CSTPP1: variants seen among roughly 807,000 people sequenced by gnomAD.
CSTPP1 encodes UPF0705 protein C11orf49.
chr11:46,984,549 A>T, the CSTPP1 span, among the ~76,000 whole-genome samples: 1 of 151,686 alleles, frequency 6.6e-6, no homozygotes, highest in Non-Finnish European at 1.5e-5. Context: ...CCTTTTTTAT[A>T]TTTTTGGTAT....
the CSTPP1 span, chr11:47,156,994 C>T: frequency 6.2e-7 from 1 of 1,612,542 alleles, no homozygotes. Flanking sequence ...GAGCCGTCCA[C>T]ACCCACACCC....
At chr11:47,097,512 T>G in the CSTPP1 span, among the ~76,000 whole-genome samples, 2 of 39,370 alleles carry the variant, frequency 5.1e-5, no homozygotes, top group African/African-American at 1.0e-4. Flanking sequence ...GGGGCGCCTC[T>G]GCCCGGCCGC....
chr11:47,050,348 G>T, the CSTPP1 span, among the ~76,000 whole-genome samples: 3 of 152,160 alleles, frequency 2.0e-5, no homozygotes, highest in African/African-American at 7.2e-5. Context: ...TAATGAGTCA[G>T]GTAATATAGT....
the CSTPP1 span, among the ~76,000 whole-genome samples, chr11:46,956,532 G>A: frequency 6.6e-6 from 1 of 152,114 alleles, no homozygotes; most frequent in Non-Finnish European, 1.5e-5. Context: ...CAAGAACCCA[G>A]GATCAGACAC....
the CSTPP1 span, among the ~76,000 whole-genome samples, chr11:47,099,555 G>C: frequency 2.0e-5 from 3 of 152,220 alleles, no homozygotes; most frequent in Admixed American, 2.0e-4. Context: ...CCAATATGCA[G>C]AGGAGACGTC....
the CSTPP1 span, among the ~76,000 whole-genome samples, chr11:47,140,828 C>T: frequency 2.6e-5 from 4 of 151,228 alleles, no homozygotes; most frequent in African/African-American, 9.7e-5. Flanking sequence ...AGGCCGGGCA[C>T]GGTGGCTCAC....
the CSTPP1 span, among the ~76,000 whole-genome samples, chr11:47,047,376 C>G: frequency 2.0e-5 from 3 of 151,996 alleles, no homozygotes; most frequent in Non-Finnish European, 4.4e-5. Flanking sequence ...TATTATGGTC[C>G]TGGCATAAGG....
chr11:47,144,611 A>G, the CSTPP1 span, among the ~76,000 whole-genome samples: 1 of 152,340 alleles, frequency 6.6e-6, no homozygotes, highest in Admixed American at 6.5e-5. Flanking sequence ...ACTTCACAGC[A>G]ATCAGAAAAT....
the CSTPP1 span, among the ~76,000 whole-genome samples, chr11:46,999,248 TTATAA>T: frequency 2.7e-5 from 4 of 150,936 alleles, no homozygotes; most frequent in African/African-American, 7.3e-5. Flanking sequence ...TAATTATATA[TTATAA>T]TATGCAGTTT....
the CSTPP1 span, among the ~76,000 whole-genome samples, chr11:47,062,660 T>C: frequency 1.3e-5 from 2 of 152,232 alleles, no homozygotes; most frequent in Non-Finnish European, 2.9e-5. Context: ...CACTGGTGAA[T>C]AGTACATCCG....
At chr11:46,980,307 T>C in the CSTPP1 span, among the ~76,000 whole-genome samples, 1 of 152,252 alleles carries the variant, frequency 6.6e-6, no homozygotes, top group African/African-American at 2.4e-5. Flanking sequence ...TGTTAGCATA[T>C]GTGTAATGCT....
chr11:47,129,577 C>T, the CSTPP1 span, among the ~76,000 whole-genome samples: 2 of 152,154 alleles, frequency 1.3e-5, no homozygotes, highest in Admixed American at 1.3e-4. Context: ...TCCTCCAATC[C>T]CTAATGGCCC....
At chr11:46,939,820 C>T in the CSTPP1 span, among the ~76,000 whole-genome samples, 2 of 151,998 alleles carry the variant, frequency 1.3e-5, no homozygotes, top group African/African-American at 2.4e-5. Flanking sequence ...GTATACAGTG[C>T]ATACTTTTTC....
chr11:47,024,596 G>A, the CSTPP1 span, among the ~76,000 whole-genome samples: 1 of 152,160 alleles, frequency 6.6e-6, no homozygotes, highest in Non-Finnish European at 1.5e-5. Flanking sequence ...GAGTGCTCAT[G>A]TTCTGAAATA....
chr11:47,067,068 G>A, the CSTPP1 span, among the ~76,000 whole-genome samples: 1 of 152,076 alleles, frequency 6.6e-6, no homozygotes, highest in African/African-American at 2.4e-5. Flanking sequence ...ACTTTTATTT[G>A]GTTTTAAGGT....
the CSTPP1 span, among the ~76,000 whole-genome samples, chr11:47,063,953 G>A: frequency 6.6e-6 from 1 of 152,264 alleles, no homozygotes; most frequent in African/African-American, 2.4e-5. Flanking sequence ...CAATGCATAA[G>A]GGTTCCAGTT....
the CSTPP1 span, among the ~76,000 whole-genome samples, chr11:47,152,686 G>A: frequency 6.6e-6 from 1 of 152,150 alleles, no homozygotes; most frequent in African/African-American, 2.4e-5. Context: ...AAACTGAATT[G>A]TACGCTTTTA....
the CSTPP1 span, among the ~76,000 whole-genome samples, chr11:46,979,080 A>C: frequency 6.6e-6 from 1 of 152,208 alleles, no homozygotes; most frequent in Non-Finnish European, 1.5e-5. Context: ...CTGTAAATTT[A>C]ATGATAATTG....
At chr11:47,146,568 T>G in the CSTPP1 span, among the ~76,000 whole-genome samples, 1 of 152,106 alleles carries the variant, frequency 6.6e-6, no homozygotes, top group East Asian at 1.9e-4. Context: ...ACCTATCAAA[T>G]TGGCAAAAAT....
Sources: allele counts gnomAD v4.1 joint callset (sites outside exome capture counted in the v4.1 genomes callset), GRCh38; gene constraint gnomAD v4.1.1; transcripts MANE v1.5; gene names NCBI Gene and HGNC (gene_info 2026-07-23, HGNC 2026-07-21).